The following ATP2B2 variants were observed in gnomAD, a reference collection of about 807,000 sequenced individuals.
ATP2B2 encodes ATPase plasma membrane Ca2+ transporting 2.
A neutral mutation model predicts 120.0 loss-of-function variants in ATP2B2; 15 were observed. The ratio of observed to expected loss-of-function variants is 0.12; its 90% CI spans 0.08 to 0.19. ATP2B2 has a LOEUF of 0.19. ATP2B2 is among the 10% of genes least tolerant of loss of function. The pLI is 1.00. For synonymous variants in ATP2B2, 694 were observed against 700.3 expected, an observed-to-expected ratio of 0.99 and a Z score of 0.14; for missense variants, 1,045 against 1,719.8, an observed-to-expected ratio of 0.61 and a Z score of 6.94.
chr3:10,628,273 TAG>T (rs907555513), intron 1 of ATP2B2, among the ~76,000 whole-genome samples: 42 of 151,912 alleles, frequency 2.8e-4, no homozygotes, highest in African/African-American at 1.0e-3. Flanking sequence ...CCGCTGTGGG[TAG>T]AGAGTGGATG....
chr3:10,501,118 C>T (rs1473896059), intron 1 of ATP2B2, among the ~76,000 whole-genome samples: 1 of 152,188 alleles, frequency 6.6e-6, no homozygotes, highest in African/African-American at 2.4e-5. Flanking sequence ...GCTGTGGCCC[C>T]TGCTCGGGCC....
chr3:10,576,028 T>C (rs1045775932), intron 2 of ATP2B2, among the ~76,000 whole-genome samples: 1 of 152,182 alleles, frequency 6.6e-6, no homozygotes, highest in Non-Finnish European at 1.5e-5. Context: ...ACAATGACCC[T>C]GTACCGCAAA....
chr3:10,563,949 C>T (rs1171692638), intron 2 of ATP2B2, among the ~76,000 whole-genome samples: 1 of 152,220 alleles, frequency 6.6e-6, no homozygotes, highest in Non-Finnish European at 1.5e-5. Context: ...TATGCCTTAA[C>T]TTCCCCACCT....
At chr3:10,695,164 G>T (rs2071723047) in intron 1 of ATP2B2, among the ~76,000 whole-genome samples, 1 of 150,106 alleles carries the variant, frequency 6.7e-6, no homozygotes, top group Non-Finnish European at 1.5e-5. Flanking sequence ...GTTCCACGTG[G>T]CTGGGGAAGC....
chr3:10,506,282 G>A (rs1180135134), upstream of ATP2B2, among the ~76,000 whole-genome samples: 1 of 151,944 alleles, frequency 6.6e-6, no homozygotes, highest in Non-Finnish European at 1.5e-5. Context: ...ACCTGCCCTC[G>A]GGGGGGTGTG....
intron 1 of ATP2B2, among the ~76,000 whole-genome samples, chr3:10,497,927 G>T (rs769233573): frequency 6.6e-6 from 1 of 152,224 alleles, no homozygotes; most frequent in Non-Finnish European, 1.5e-5. Flanking sequence ...GGGGAGGCAG[G>T]TGGCAATCCT....
At chr3:10,492,089 A>G (rs557009953) in intron 1 of ATP2B2, among the ~76,000 whole-genome samples, 1 of 152,276 alleles carries the variant, frequency 6.6e-6, no homozygotes, top group South Asian at 2.1e-4. Context: ...AGCATGCATT[A>G]TTTTTGTAAT....
intron 2 of ATP2B2, among the ~76,000 whole-genome samples, chr3:10,611,624 C>T (rs1235658587): frequency 6.6e-6 from 1 of 152,124 alleles, no homozygotes; most frequent in Admixed American, 6.5e-5. Flanking sequence ...TCCACTTCTT[C>T]TCTGACTGGG....
chr3:10,427,006 A>G (rs967599376), intron 2 of ATP2B2, among the ~76,000 whole-genome samples: 7 of 152,206 alleles, frequency 4.6e-5, no homozygotes, highest in Non-Finnish European at 1.0e-4. Flanking sequence ...TCTGAGTCTC[A>G]AGACTGCAGG....
At chr3:10,433,146 A>G (rs1200189563) in intron 2 of ATP2B2, among the ~76,000 whole-genome samples, 1 of 152,214 alleles carries the variant, frequency 6.6e-6, no homozygotes, top group East Asian at 1.9e-4. Context: ...GTGGACGGGA[A>G]ACCCTTTAGC....
intron 2 of ATP2B2, among the ~76,000 whole-genome samples, chr3:10,600,331 A>G (rs1190890423): frequency 6.6e-6 from 1 of 152,172 alleles, no homozygotes; most frequent in East Asian, 1.9e-4. Context: ...GCTGACTGGC[A>G]GCCAGTCACC....
chr3:10,488,984 C>T (rs914794495), intron 1 of ATP2B2, among the ~76,000 whole-genome samples: 1 of 152,192 alleles, frequency 6.6e-6, no homozygotes, highest in African/African-American at 2.4e-5. Flanking sequence ...CCCAACTTGT[C>T]AGCTCTCTGA....
At chr3:10,589,330 G>C (rs1014823757) in intron 2 of ATP2B2, among the ~76,000 whole-genome samples, 16 of 152,162 alleles carry the variant, frequency 1.1e-4, no homozygotes, top group African/African-American at 3.9e-4. Flanking sequence ...GTAAACTTTT[G>C]TTGAGTGTTT....
At chr3:10,653,671 C>T (rs536841761) in intron 1 of ATP2B2, among the ~76,000 whole-genome samples, 5 of 152,184 alleles carry the variant, frequency 3.3e-5, no homozygotes, top group Admixed American at 6.5e-5. Flanking sequence ...TACTGAGCTC[C>T]CATGATTACT....
chr3:10,455,196 T>C (rs962207344), intron 1 of ATP2B2, among the ~76,000 whole-genome samples: 1 of 152,174 alleles, frequency 6.6e-6, no homozygotes, highest in African/African-American at 2.4e-5. Context: ...AAGAGTTTTC[T>C]GGGGGGTCAG....
At position 10,375,288 on chromosome 3, in the gene ATP2B2, C is replaced by A. The variant is rs924558265; in HGVS notation, c.1416+142G>T. ...AAAGCGTCAGAGTTTTGGGGTCCTG[C>A]ATACATTCTTCTTCCAAGCTCCTAG... is the stretch of plus-strand genomic sequence containing the variant. On this transcript the variant is annotated intron_variant, in intron 11 of 22. Transcript: ENST00000360273. The surrounding 1 kb of genome is among the most constrained non-coding windows in gnomAD (Gnocchi z 4.2). 3 of 700,396 alleles carry A rather than the reference C, an allele frequency of 4.3e-6. No homozygotes were observed. Among genetic ancestry groups the A allele is most frequent in the Non-Finnish European group, 7.4e-6 (3 of 403,038 alleles). 43.4% of individuals were successfully genotyped at this position (700,396 alleles called of 1,614,324 possible). A position where few individuals can be genotyped will look rare whatever the true frequency, so the allele number is the denominator to read the frequency against.
At chr3:10,416,344 C>A (rs574183213) in intron 2 of ATP2B2, among the ~76,000 whole-genome samples, 1 of 152,316 alleles carries the variant, frequency 6.6e-6, no homozygotes, top group East Asian at 1.9e-4. Flanking sequence ...AAACCTCTGC[C>A]CTGGCCATTC....
intron 1 of ATP2B2, among the ~76,000 whole-genome samples, chr3:10,677,482 T>C (rs949973794): frequency 1.3e-5 from 2 of 152,172 alleles, no homozygotes; most frequent in African/African-American, 2.4e-5. Context: ...ATAGTGAATA[T>C]GTTGTTATAC....
intron 1 of ATP2B2, among the ~76,000 whole-genome samples, chr3:10,464,005 GCCCCAGA>G (rs887810881): frequency 5.9e-5 from 9 of 151,986 alleles, no homozygotes; most frequent in African/African-American, 1.4e-4. Flanking sequence ...GCAGCCCCAA[GCCCCAGA>G]CCCCAGACCC....
Sources: gnomAD v4.1 joint callset for allele counts (sites outside exome capture counted in the v4.1 genomes callset) on GRCh38, gnomAD v4.1.1 for gene constraint, Gnocchi (gnomAD v3.1) non-coding constraint, MANE v1.5 for transcripts, NCBI Gene and HGNC (gene_info 2026-07-23, HGNC 2026-07-21) for gene names.